LOC400499: variants seen among roughly 807,000 people sequenced by gnomAD.
chr16:11,377,475 T>C, the LOC400499 span, among the ~76,000 whole-genome samples: 33 of 152,236 alleles, frequency 2.2e-4, no homozygotes, highest in Non-Finnish European at 3.7e-4. Context: ...CTTTATTATG[T>C]TGAGGTCATT....
chr16:11,469,294 C>T, the LOC400499 span: 1 of 399,230 alleles, frequency 2.5e-6, no homozygotes, highest in Non-Finnish European at 4.4e-6. Context: ...AAGGGTTCAA[C>T]ATCTGGATCT....
the LOC400499 span, chr16:11,448,785 G>C: frequency 1.9e-6 from 1 of 522,566 alleles, no homozygotes; most frequent in South Asian, 5.5e-5. Flanking sequence ...AGAAATAGAG[G>C]CTCCAGGAGG....
At chr16:11,413,572 G>A in the LOC400499 span, among the ~76,000 whole-genome samples, 19 of 152,290 alleles carry the variant, frequency 1.2e-4, no homozygotes, top group African/African-American at 4.3e-4. Flanking sequence ...CGAGGCAGGA[G>A]GACACCGTGA....
chr16:11,491,017 G>A, the LOC400499 span, among the ~76,000 whole-genome samples: 2 of 152,300 alleles, frequency 1.3e-5, no homozygotes, highest in African/African-American at 4.8e-5. Flanking sequence ...CACTTACTAT[G>A]CTTTCTAAAT....
chr16:11,475,196 A>T, the LOC400499 span, among the ~76,000 whole-genome samples: 1 of 152,130 alleles, frequency 6.6e-6, no homozygotes, highest in Admixed American at 6.5e-5. Flanking sequence ...GAGCATTAGG[A>T]CAAATACCTA....
At chr16:11,417,111 C>T in the LOC400499 span, among the ~76,000 whole-genome samples, 3 of 146,090 alleles carry the variant, frequency 2.1e-5, no homozygotes, top group African/African-American at 8.1e-5. Context: ...TATTGAAGTC[C>T]CACCCCCCCT....
the LOC400499 span, chr16:11,446,752 G>A: frequency 1.3e-6 from 2 of 1,535,910 alleles, no homozygotes; most frequent in Non-Finnish European, 8.7e-7. Flanking sequence ...ACTCACGTAG[G>A]GGTGTCCGGC....
At chr16:11,460,027 C>T in the LOC400499 span, 1 of 1,471,406 alleles carries the variant, frequency 6.8e-7, no homozygotes, top group Non-Finnish European at 9.0e-7. Flanking sequence ...TGCAGGTGGC[C>T]CGAGTCCTCC....
chr16:11,462,963 C>T, the LOC400499 span, among the ~76,000 whole-genome samples: 80 of 152,266 alleles, frequency 5.3e-4, no homozygotes, highest in African/African-American at 1.9e-3. Context: ...CCTGGCTCTC[C>T]CGGCTCCCAT....
the LOC400499 span, chr16:11,516,364 AGACTGCCAGAG>A: frequency 1.5e-5 from 6 of 398,916 alleles, no homozygotes; most frequent in Non-Finnish European, 2.7e-5. Context: ...GGCCACTTGC[AGACTGCCAGAG>A]GCCACAGCAT....
chr16:11,399,177 C>A, the LOC400499 span: 1 of 982,422 alleles, frequency 1.0e-6, no homozygotes, highest in African/African-American at 1.7e-5. Context: ...AGCTCCCGAT[C>A]TCCCTCCGCC....
At chr16:11,500,701 C>G in the LOC400499 span, 1 of 397,158 alleles carries the variant, frequency 2.5e-6, no homozygotes, top group Non-Finnish European at 4.4e-6. Flanking sequence ...GCTTATCCTA[C>G]GAGGGGCTGG....
the LOC400499 span, among the ~76,000 whole-genome samples, chr16:11,480,767 G>A: frequency 5.4e-4 from 82 of 152,284 alleles, no homozygotes; most frequent in African/African-American, 1.6e-3. Context: ...GTAACAGCCA[G>A]CAACTGATGG....
At chr16:11,447,801 T>G in the LOC400499 span, 1 of 1,242,380 alleles carries the variant, frequency 8.0e-7, no homozygotes, top group Non-Finnish European at 1.1e-6. Context: ...GGGATTTAGG[T>G]TCCATCTGGG....
chr16:11,410,914 C>T, the LOC400499 span, among the ~76,000 whole-genome samples: 1 of 152,212 alleles, frequency 6.6e-6, no homozygotes, highest in Admixed American at 6.5e-5. Context: ...GGCTCAGCTC[C>T]AAAGGGCTGT....
At chr16:11,461,673 T>G in the LOC400499 span, among the ~76,000 whole-genome samples, 1 of 152,198 alleles carries the variant, frequency 6.6e-6, no homozygotes, top group African/African-American at 2.4e-5. Context: ...CCAGCTGTTA[T>G]GACTCCCAGA....
chr16:11,474,629 G>C, the LOC400499 span, among the ~76,000 whole-genome samples: 1 of 151,996 alleles, frequency 6.6e-6, no homozygotes. Flanking sequence ...AGAAGCCAAG[G>C]CAGGTGGATC....
At chr16:11,518,820 C>T in the LOC400499 span, 4 of 399,064 alleles carry the variant, frequency 1.0e-5, no homozygotes, top group Non-Finnish European at 1.8e-5. Context: ...CAGAGCCCGA[C>T]AGCTGTTGAA....
chr16:11,399,404 T>C, the LOC400499 span: 10 of 508,940 alleles, frequency 2.0e-5, no homozygotes, highest in Middle Eastern at 1.6e-3. Context: ...GCCCCAGAGC[T>C]GGACGCTCCT....
Sources: gnomAD v4.1 joint callset for allele counts (sites outside exome capture counted in the v4.1 genomes callset) on GRCh38, gnomAD v4.1.1 for gene constraint, MANE v1.5 for transcripts.